FRMD6: variants seen among roughly 807,000 people sequenced by gnomAD.
FRMD6 encodes the protein FERM domain containing 6.
FRMD6 carries 37 observed loss-of-function variants against 73.2 expected under a neutral mutation model. The observed-to-expected ratio is 0.51, with a 90% confidence interval of 0.39 to 0.66. FRMD6 has a LOEUF of 0.66. Ranked by LOEUF, FRMD6 falls within the 30% of genes least tolerant of loss-of-function variation. The pLI is 0.00. For synonymous variants in FRMD6, 273 were observed against 282.2 expected, an observed-to-expected ratio of 0.97 and a Z score of 0.33; for missense variants, 714 against 780.5, an observed-to-expected ratio of 0.91 and a Z score of 1.02.
At chr14:51,402,301 A>G in the FRMD6 span, among the ~76,000 whole-genome samples, 2 of 152,184 alleles carry the variant, frequency 1.3e-5, no homozygotes, top group Admixed American at 1.3e-4. Context: ...CAGCTATTTC[A>G]CAAACCTTTA....
the FRMD6 span, among the ~76,000 whole-genome samples, chr14:51,475,953 G>C: frequency 3.8e-3 from 571 of 152,190 alleles, 9 homozygotes; most frequent in East Asian, 0.055. Flanking sequence ...AAGCCCAGCT[G>C]GTACTGAAAC....
chr14:51,405,968 T>C, the FRMD6 span, among the ~76,000 whole-genome samples: 1 of 152,182 alleles, frequency 6.6e-6, no homozygotes, highest in Non-Finnish European at 1.5e-5. Flanking sequence ...CAGTTTTGGG[T>C]TTTACATATA....
intron 2 of FRMD6, among the ~76,000 whole-genome samples, chr14:51,644,950 G>C (rs941198660): frequency 6.6e-6 from 1 of 152,164 alleles, no homozygotes; most frequent in Non-Finnish European, 1.5e-5. Context: ...CATGTCAAAA[G>C]TAAACATCTG....
intron 1 of FRMD6, among the ~76,000 whole-genome samples, chr14:51,669,165 G>A (rs1407606630): frequency 6.6e-6 from 1 of 152,100 alleles, no homozygotes; most frequent in Non-Finnish European, 1.5e-5. Context: ...CACTCTAGAT[G>A]CTTTTGTATC....
chr14:51,401,695 T>C, the FRMD6 span, among the ~76,000 whole-genome samples: 1 of 151,088 alleles, frequency 6.6e-6, no homozygotes, highest in Non-Finnish European at 1.5e-5. Context: ...AGGGCTCGAA[T>C]GGGACGCTGA....
chr14:51,712,166 T>C lies in FRMD6; in HGVS notation c.781-317T>C, dbSNP rs924831187. On this transcript the variant is annotated intron_variant, in intron 8 of 13. Transcript: ENST00000344768. ...TCTTATCTTTGATGTAGGCAAAATA[T>C]CCAGTTATGAAAGTCTGAGCGCCTT... Among the ~76,000 whole-genome samples, 4 of 152,284 alleles carry C rather than the reference T, an allele frequency of 2.6e-5. No homozygotes were observed. In the East Asian group the frequency reaches 7.7e-4, roughly 29 times the overall value.
the FRMD6 span, among the ~76,000 whole-genome samples, chr14:51,481,651 C>T: frequency 6.6e-6 from 1 of 152,220 alleles, no homozygotes; most frequent in Non-Finnish European, 1.5e-5. Context: ...CTTCGATCAC[C>T]CAAGCTGGCT....
rs1480769336 is a variant in FRMD6 at position 51,730,718 on chromosome 14, T to G, written c.*2689T>G. 2 of 152,238 alleles carry G rather than the reference T, an allele frequency of 1.3e-5. No individual in the cohort carries two copies. The highest frequency in any genetic ancestry group is 1.3e-4 in the Admixed American group (2 of 15,286). 9.4% of individuals were successfully genotyped at this position (152,238 alleles called of 1,614,324 possible). ...TTAGCAGTCAATAAAGTTACTTTTT[T>G]GCCTTTAAATTGCCTTTTTGATTAT... is the stretch of plus-strand genomic sequence containing the variant. On this transcript the variant is annotated 3_prime_UTR_variant, in exon 14 of 14. Transcript: ENST00000344768.
At chr14:51,557,251 T>C (rs1434272871) in intron 1 of FRMD6, among the ~76,000 whole-genome samples, 5 of 108,122 alleles carry the variant, frequency 4.6e-5, no homozygotes, top group African/African-American at 1.3e-4. Flanking sequence ...GTGACATATA[T>C]ATATATATAT....
At chr14:51,618,824 T>C (rs1890809929) in intron 2 of FRMD6, among the ~76,000 whole-genome samples, 2 of 151,740 alleles carry the variant, frequency 1.3e-5, no homozygotes, top group African/African-American at 4.8e-5. Context: ...TTCAGTAAAT[T>C]ATTATAATAC....
chr14:51,534,250 C>T (rs1885759119), intron 1 of FRMD6, among the ~76,000 whole-genome samples: 1 of 152,212 alleles, frequency 6.6e-6, no homozygotes, highest in African/African-American at 2.4e-5. Context: ...CCAACTTCTT[C>T]CACATAAGCA....
chr14:51,630,596 A>T (rs1409446134), intron 2 of FRMD6, among the ~76,000 whole-genome samples: 2 of 152,102 alleles, frequency 1.3e-5, no homozygotes, highest in Non-Finnish European at 2.9e-5. Context: ...AAAATAAAAA[A>T]AGTAGCCAGG....
the FRMD6 span, among the ~76,000 whole-genome samples, chr14:51,471,875 A>T: frequency 6.6e-6 from 1 of 152,306 alleles, no homozygotes; most frequent in African/African-American, 2.4e-5. Flanking sequence ...ATGATATAAG[A>T]ATATTTTCCC....
At chr14:51,593,960 A>G (rs1889551932) in intron 2 of FRMD6, among the ~76,000 whole-genome samples, 1 of 152,234 alleles carries the variant, frequency 6.6e-6, no homozygotes, top group South Asian at 2.1e-4. Context: ...CTGAAGCAAA[A>G]GTAAGACCAA....
At chr14:51,401,958 T>C in the FRMD6 span, among the ~76,000 whole-genome samples, 2 of 152,160 alleles carry the variant, frequency 1.3e-5, no homozygotes, top group Non-Finnish European at 2.9e-5. Context: ...AGGCCTCCTA[T>C]CACAAGAGCT....
intron 1 of FRMD6, among the ~76,000 whole-genome samples, chr14:51,535,740 T>A (rs893726509): frequency 1.3e-5 from 2 of 152,146 alleles, no homozygotes; most frequent in East Asian, 3.9e-4. Flanking sequence ...TGGAGTGAAA[T>A]TGCTGGGTTA....
chr14:51,554,287 T>C (rs1887000397), intron 1 of FRMD6, among the ~76,000 whole-genome samples: 1 of 152,014 alleles, frequency 6.6e-6, no homozygotes, highest in Admixed American at 6.6e-5. Context: ...AATAAATAAA[T>C]AGTATAAAAG....
intron 2 of FRMD6, among the ~76,000 whole-genome samples, chr14:51,570,716 G>T (rs529585832): frequency 6.6e-6 from 1 of 152,300 alleles, no homozygotes; most frequent in African/African-American, 2.4e-5. Flanking sequence ...CTGAGAACCA[G>T]TTTTAGATAG....
At chr14:51,402,641 C>CTTT in the FRMD6 span, among the ~76,000 whole-genome samples, 2 of 128,406 alleles carry the variant, frequency 1.6e-5, no homozygotes, top group African/African-American at 3.0e-5. Flanking sequence ...TTTTTCTTTT[C>CTTT]TTTTTTTTTT....
Sources: gnomAD v4.1 joint callset for allele counts (sites outside exome capture counted in the v4.1 genomes callset) on GRCh38, gnomAD v4.1.1 for gene constraint, MANE v1.5 for transcripts, NCBI Gene and HGNC (gene_info 2026-07-23, HGNC 2026-07-21) for gene names.